JAK3: variants seen among roughly 807,000 people sequenced by gnomAD.
The protein encoded by JAK3 is Janus kinase 3.
A neutral mutation model predicts 120.8 loss-of-function variants in JAK3; 88 were observed. The observed-to-expected ratio is 0.73, with a 90% CI of 0.61 to 0.87. The LOEUF is 0.87. JAK3 is among the 40% of genes least tolerant of loss of function. The probability of loss-of-function intolerance (pLI) is 0.00; values close to 1 mark genes in which losing one functional copy is unlikely to be tolerated. For missense variants in JAK3, 1,254 were observed against 1,501.4 expected, an observed-to-expected ratio of 0.84 and a Z score of 2.72; for synonymous variants, 592 against 628.6, an observed-to-expected ratio of 0.94 and a Z score of 0.87.
chr19:17,837,960 A>G lies in JAK3; in HGVS notation c.1673T>C (p.Met558Thr), dbSNP rs777252992. The change falls in exon 12 of 24, where the codon ATG becomes ACG. Residue 558 changes from methionine (M) to threonine (T), a missense_variant. Coordinates refer to ENST00000458235, the MANE Select transcript of JAK3 (RefSeq NM_000215.4). ...ARKTEVLLKVMDAKHKNCMES... is the reference protein window; with the variant it reads ...ARKTEVLLKVTDAKHKNCMES... ...CATGCAGTTCTTGTGCTTGGCATCC[A>G]TGACCTTCAGCAGCACCTCTGTCTT... is the stretch of plus-strand genomic sequence containing the variant. The G allele has an allele frequency of 8.1e-6, 13 of 1,613,882 alleles. No individual in the cohort carries two copies. In the African/African-American group the frequency reaches 1.7e-4, roughly 22 times the overall value.
At position 17,841,776 on chromosome 19, in the gene JAK3, G is replaced by T; in HGVS notation, c.862-14C>A. 6.2e-7 allele frequency: 1 copy of T among 1,601,928 alleles called. No individual in the cohort carries two copies. ...GGGCTGGAGGACCTGGGAAGGAGGG[G>T]GAGTACCGAAGTGGGGGCCCAGCTG... On this transcript the variant is annotated splice_polypyrimidine_tract_variant and intron_variant, in intron 6 of 23. Transcript: ENST00000458235. The surrounding 1 kb of genome is among the most constrained non-coding windows in gnomAD (Gnocchi z 4.1).
Position 17,825,330 on chromosome 19 carries a change from G to C in JAK3, c.*1413C>G, listed in dbSNP as rs984743375. On this transcript the variant is annotated 3_prime_UTR_variant, in exon 24 of 24. Transcript: ENST00000458235. Reference sequence around the variant, plus strand: ...GAATGCCTTTCCTTCCCTTGATTGCGTGAAAAGTTCCTGCCAGGTTTGGTG... The same window carrying C: ...GAATGCCTTTCCTTCCCTTGATTGCCTGAAAAGTTCCTGCCAGGTTTGGTG... 4.4e-6 allele frequency: 1 copy of C among 227,152 alleles called. No individual in the cohort carries two copies. Among genetic ancestry groups the C allele is most frequent in the African/African-American group, 2.2e-5 (1 of 45,078 alleles). 14.1% of individuals were successfully genotyped at this position (227,152 alleles called of 1,614,324 possible).
chr19:17,826,846 A>T lies in JAK3; in HGVS notation c.3272T>A (p.Leu1091Gln). The change falls in exon 24 of 24, where the codon CTG becomes CAG. Residue 1091 changes from leucine to glutamine, a missense_variant. Leu to Gln is a moderately radical substitution (Grantham distance 113, BLOSUM62 -2). Coordinates refer to ENST00000458235, the MANE Select transcript of JAK3 (RefSeq NM_000215.4). ...SPQDRPSFSA[L>Q]GPQLDMLWSG... ...CCACAGCATGTCCAGCTGGGGGCCC[A>T]GGGCGCTGAATGATGGCCGGTCCTG... The T allele has an allele frequency of 6.2e-7, 1 of 1,614,020 alleles. No individual in the cohort carries two copies. The highest frequency in any genetic ancestry group is 8.5e-7 in the Non-Finnish European group (1 of 1,180,030).
intron 14 of JAK3, 134 bp from the exon 15 acceptor site, chr19:17,835,349 A>T (rs1409959419): frequency 8.3e-7 from 1 of 1,208,298 alleles, no homozygotes; most frequent in African/African-American, 1.5e-5. Context: ...CTGACTCCTG[A>T]CATCCTGTCT....
chr19:17,843,754 G>A lies in JAK3; in HGVS notation c.308+23C>T, dbSNP rs201781864. 1.9e-5 allele frequency: 30 copies of A among 1,612,474 alleles called. 1 individual carries two copies. The East Asian group carries it at 6.7e-4, about 36-fold the overall frequency. On this transcript the variant is annotated intron_variant, in intron 3 of 23. Transcript: ENST00000458235. The surrounding 1 kb of genome is among the most constrained non-coding windows in gnomAD (Gnocchi z 5.4). ...GAGATGATAAAATTGTACAATCCCT[G>A]GGGGCTGGGGGGCACTTCCTACCGA...
At chr19:17,830,793 G>C (rs566990020) in intron 21 of JAK3, among the ~76,000 whole-genome samples, 173 bp from the exon 22 acceptor site, 16 of 147,572 alleles carry the variant, frequency 1.1e-4, no homozygotes, top group South Asian at 8.8e-4. Context: ...AGCCCTGGGA[G>C]GTGCCTGGGA....
chr19:17,846,718 G>A (rs941894034), intron 1 of JAK3, among the ~76,000 whole-genome samples: 7 of 152,052 alleles, frequency 4.6e-5, no homozygotes, highest in African/African-American at 1.7e-4. Flanking sequence ...CCAAGTGGCT[G>A]GGATTACAGG....
Position 17,841,448 on chromosome 19 carries a change from C to T in JAK3, c.1083G>A (p.Lys361=). ...CCAGCAGCCTCGGCGGTGCCACCTC[C>T]TTGCAGAAGAAGTGCTGGGAGTCCG... ...LTTDSQHFFC[K]EVAPPRLLEE... Residue 361 remains lysine, a synonymous_variant, in exon 8 of 24, where the codon AAG becomes AAA. Coordinates refer to ENST00000458235, the MANE Select transcript of JAK3 (RefSeq NM_000215.4). This position sits in a 1 kb window ranked among gnomAD's most constrained non-coding sequence, Gnocchi z 4.1. 1 of 1,555,778 alleles carries T rather than the reference C, an allele frequency of 6.4e-7. No homozygotes were observed. The highest frequency in any genetic ancestry group is 8.7e-7 in the Non-Finnish European group (1 of 1,149,502).
chr19:17,845,960 G>A (rs1393493571), intron 1 of JAK3, among the ~76,000 whole-genome samples: 2 of 152,048 alleles, frequency 1.3e-5, no homozygotes, highest in African/African-American at 4.8e-5. Context: ...TGGGATTACA[G>A]GGGCACGCCA....
chr19:17,831,477 C>A lies in JAK3; in HGVS notation c.2806-77G>T. On this transcript the variant is annotated intron_variant, in intron 20 of 23. Coordinates refer to ENST00000458235, the MANE Select transcript of JAK3 (RefSeq NM_000215.4). This position sits in a 1 kb window ranked among gnomAD's most constrained non-coding sequence, Gnocchi z 5.1. Reference sequence around the variant, plus strand: ...GGTACCCCAAGCGTGACCTGGCACCCCAACCCAGACCCCAACTATAACCCT... The same window carrying A: ...GGTACCCCAAGCGTGACCTGGCACCACAACCCAGACCCCAACTATAACCCT... The A allele has an allele frequency of 6.3e-7, 1 of 1,576,066 alleles. No individual in the cohort carries two copies. The highest frequency in any genetic ancestry group is 8.6e-7 in the Non-Finnish European group (1 of 1,161,294).
At chr19:17,827,572 C>T (rs1303621432) in intron 23 of JAK3, among the ~76,000 whole-genome samples, 3 of 151,604 alleles carry the variant, frequency 2.0e-5, no homozygotes, top group African/African-American at 7.3e-5. Context: ...GTCTTGAACT[C>T]CTGACCTCAT....
chr19:17,833,547 A>G (rs886178113), intron 17 of JAK3, among the ~76,000 whole-genome samples: 5 of 147,786 alleles, frequency 3.4e-5, no homozygotes, highest in African/African-American at 1.3e-4. Flanking sequence ...TCACAGAAAA[A>G]AAAAAAAAAA....
chr19:17,837,839 C>T lies in JAK3; in HGVS notation c.1701+93G>A, dbSNP rs2094227962. On this transcript the variant is annotated intron_variant, in intron 12 of 23. Coordinates refer to ENST00000458235, the MANE Select transcript of JAK3 (RefSeq NM_000215.4). Reference sequence around the variant, plus strand: ...GGGATGACAGGCATGAGCCACCACGCCCAGGTCCCTGTGTGTTTTTAAATT... The same window carrying T: ...GGGATGACAGGCATGAGCCACCACGTCCAGGTCCCTGTGTGTTTTTAAATT... 12 of 1,576,346 alleles carry T rather than the reference C, an allele frequency of 7.6e-6. No homozygotes were observed. In the South Asian group the frequency reaches 1.2e-4, roughly 16 times the overall value.
Position 17,841,110 on chromosome 19 carries a change from C to T in JAK3, c.1142+279G>A, listed in dbSNP as rs748376455. On this transcript the variant is annotated intron_variant, in intron 8 of 23. Transcript: ENST00000458235. The surrounding 1 kb of genome is among the most constrained non-coding windows in gnomAD (Gnocchi z 4.1). ...GCGATTGCAGGTGTGCCCCACTATG[C>T]CTGGCCCTTCCTGGGAGATTAAACA... Among the ~76,000 whole-genome samples, 2 of 152,162 alleles carry T rather than the reference C, an allele frequency of 1.3e-5. No individual in the cohort carries two copies. The highest frequency in any genetic ancestry group is 2.9e-5 in the Non-Finnish European group (2 of 68,030).
chr19:17,840,290 G>A lies in JAK3; in HGVS notation c.1194C>T (p.Ser398=), dbSNP rs1382222332. 1.9e-6 allele frequency: 3 copies of A among 1,614,058 alleles called. No homozygotes were observed. The highest frequency in any genetic ancestry group is 3.3e-5 in the Admixed American group (2 of 60,004). ...KLKTGGSRPG[S]YVLRRSPQDF... ...CCTGGGGGCTGCGGCGGAGAACATA[G>A]GAGCCAGGACGTGAGCCCCCAGTCT... Residue 398 remains serine (S), a synonymous_variant, in exon 9 of 24, where the codon TCC becomes TCT. Coordinates refer to ENST00000458235, the MANE Select transcript of JAK3 (RefSeq NM_000215.4).
In JAK3 at chr19:17,842,307, C is replaced by T; in HGVS notation, c.861+9G>A. 1.3e-6 allele frequency: 2 copies of T among 1,569,088 alleles called. No homozygotes were observed. The highest frequency in any genetic ancestry group is 8.6e-7 in the Non-Finnish European group (1 of 1,164,012). On this transcript the variant is annotated intron_variant, in intron 6 of 23. Transcript: ENST00000458235. This position sits in a 1 kb window ranked among gnomAD's most constrained non-coding sequence, Gnocchi z 6.4. ...GTTGGCCCCGCCCAGCGGGGGAGTC[C>T]GCCCTCACCTCCTGTTCTCCCTGGG...
Position 17,841,595 on chromosome 19 carries a change from C to T in JAK3, c.984+45G>A. ...CCAGTGAAACCCGAGGGTGCCGGTC[C>T]CGCCCTCGGGGTAAGGCTGAAGGGG... On this transcript the variant is annotated intron_variant, in intron 7 of 23. Coordinates refer to ENST00000458235, the MANE Select transcript of JAK3 (RefSeq NM_000215.4). This position sits in a 1 kb window ranked among gnomAD's most constrained non-coding sequence, Gnocchi z 4.1. The T allele has an allele frequency of 6.2e-7, 1 of 1,611,694 alleles. No homozygotes were observed. Among genetic ancestry groups the T allele is most frequent in the Non-Finnish European group, 8.5e-7 (1 of 1,179,028 alleles).
At position 17,839,490 on chromosome 19, in the gene JAK3, G is replaced by A. The variant is rs528166871; in HGVS notation, c.1428C>T (p.Ile476=). 4 of 1,586,238 alleles carry A rather than the reference G, an allele frequency of 2.5e-6. No individual in the cohort carries two copies. In the African/African-American group the frequency reaches 4.0e-5, roughly 16 times the overall value. Reference sequence around the variant, plus strand: ...GAAGGGGCTCACCTTTGGGTCTGGGGATACAGCAGGAAGTGAGGGTCACTG... The same window carrying A: ...GAAGGGGCTCACCTTTGGGTCTGGGAATACAGCAGGAAGTGAGGGTCACTG... ...GVAVTLTSCC[I]PRPKEKSNLI... The change falls in exon 10 of 24, where the codon ATC becomes ATT. Residue 476 remains isoleucine, a synonymous_variant. Transcript: ENST00000458235.
chr19:17,837,122 C>T lies in JAK3; in HGVS notation c.1786+7G>A, dbSNP rs1011716310. 23 of 1,543,966 alleles carry T rather than the reference C, an allele frequency of 1.5e-5. No homozygotes were observed. The highest frequency in any genetic ancestry group is 2.0e-5 in the Admixed American group (1 of 51,174). ...AGGGGTGGGGTGGGTGGGTGGGGGG[C>T]TCTCACTGTCTCCAGCCATGCACAC... On this transcript the variant is annotated splice_region_variant and intron_variant, in intron 13 of 23. Coordinates refer to ENST00000458235, the MANE Select transcript of JAK3 (RefSeq NM_000215.4).
Sources: gnomAD v4.1 joint callset for allele counts (sites outside exome capture counted in the v4.1 genomes callset) on GRCh38, gnomAD v4.1.1 for gene constraint, Gnocchi (gnomAD v3.1) non-coding constraint, MANE v1.5 for transcripts, NCBI Gene and HGNC (gene_info 2026-07-23, HGNC 2026-07-21) for gene names.